The following FNDC3B variants were observed in gnomAD, a reference collection of about 807,000 sequenced individuals.
The protein encoded by FNDC3B is fibronectin type III domain-containing protein 3B.
FNDC3B carries 12 observed loss-of-function variants against 151.5 expected under a neutral mutation model. The ratio of observed to expected loss-of-function variants is 0.08; its 90% CI spans 0.05 to 0.13. The LOEUF (loss-of-function observed/expected upper bound fraction) is 0.13, where lower values mean the gene tolerates loss of function less well. Ranked by LOEUF, FNDC3B falls within the 10% of genes least tolerant of loss-of-function variation. The pLI, the probability that FNDC3B is intolerant of heterozygous loss-of-function variation, is 1.00. For synonymous variants in FNDC3B, 528 were observed against 549.0 expected (o/e 0.96, Z 0.54); for missense variants, 1,214 against 1,505.3 (o/e 0.81, Z 3.20).
chr3:172,052,478 G>T (rs553000418), intron 1 of FNDC3B, among the ~76,000 whole-genome samples: 12 of 152,306 alleles, frequency 7.9e-5, no homozygotes, highest in African/African-American at 2.9e-4. Flanking sequence ...AGGCCCAGCT[G>T]AAAGAGTTGA....
At chr3:172,146,887 A>G (rs1721939363) in intron 3 of FNDC3B, among the ~76,000 whole-genome samples, 1 of 152,380 alleles carries the variant, frequency 6.6e-6, no homozygotes, top group African/African-American at 2.4e-5. Flanking sequence ...GATTTACTTT[A>G]TACTTACTTA....
chr3:172,233,851 T>C (rs1481861724), intron 4 of FNDC3B, among the ~76,000 whole-genome samples: 2 of 152,218 alleles, frequency 1.3e-5, no homozygotes, highest in East Asian at 3.8e-4. Context: ...AGGGAATTGT[T>C]CCATAGTGTA....
intron 11 of FNDC3B, chr3:172,321,649 T>C: frequency 5.3e-6 from 1 of 188,044 alleles, no homozygotes; most frequent in Non-Finnish European, 1.1e-5. Context: ...CAAGCAATTC[T>C]CCTGCCTCAG....
rs545254866 is a variant in FNDC3B at position 172,153,103 on chromosome 3, C to T, written c.187+19557C>T. On this transcript the variant is annotated intron_variant, in intron 3 of 25. Coordinates refer to ENST00000415807, the MANE Select transcript of FNDC3B (RefSeq NM_022763.4). ...CGCTGAGATTGGTTGATGGGGTGTG[C>T]AGAATTTCCTCTGTCGGGCTTGGGA... is the stretch of plus-strand genomic sequence containing the variant. Among the ~76,000 whole-genome samples the T allele has an allele frequency of 1.6e-4, 24 of 152,220 alleles. No individual in the cohort carries two copies. The South Asian group carries it at 4.8e-3, about 30-fold the overall frequency.
In FNDC3B at chr3:172,201,501, A is replaced by G. The variant is rs79618851; in HGVS notation, c.188-25370A>G. 1.4e-3 allele frequency among the ~76,000 whole-genome samples: 211 copies of G among 152,258 alleles called. 1 individual carries two copies. The highest frequency in any genetic ancestry group is 5.0e-3 in the African/African-American group (209 of 41,552). ...CCACTGGGCTCTTTTGTTCAGTGTGACCTCATGAGAAGTGGTAGCAGTACT... is the reference window on the plus strand; with the variant it reads ...CCACTGGGCTCTTTTGTTCAGTGTGGCCTCATGAGAAGTGGTAGCAGTACT... On this transcript the variant is annotated intron_variant, in intron 3 of 25. Coordinates refer to ENST00000415807, the MANE Select transcript of FNDC3B (RefSeq NM_022763.4).
chr3:172,252,275 GACTT>G (rs534872837), intron 6 of FNDC3B, among the ~76,000 whole-genome samples: 70 of 152,184 alleles, frequency 4.6e-4, no homozygotes, highest in African/African-American at 1.7e-3. Flanking sequence ...AGGGAAGAAT[GACTT>G]AAGTGAGGCA....
At chr3:172,194,144 C>G (rs184634881) in intron 3 of FNDC3B, among the ~76,000 whole-genome samples, 8 of 151,824 alleles carry the variant, frequency 5.3e-5, no homozygotes, top group Non-Finnish European at 1.2e-4. Flanking sequence ...GGCGTGAACC[C>G]GGGGGGCGGA....
chr3:172,192,054 T>C (rs1045230842), intron 3 of FNDC3B, among the ~76,000 whole-genome samples: 1 of 152,154 alleles, frequency 6.6e-6, no homozygotes, highest in African/African-American at 2.4e-5. Flanking sequence ...TTTCAGAGGA[T>C]AGGAAACTCA....
At chr3:172,114,693 C>T (rs771957317) in intron 2 of FNDC3B, among the ~76,000 whole-genome samples, 3 of 152,072 alleles carry the variant, frequency 2.0e-5, no homozygotes, top group Non-Finnish European at 4.4e-5. Context: ...TGAGACCAGC[C>T]TGGGCAACAA....
At position 172,344,622 on chromosome 3, in the gene FNDC3B, G is replaced by A. The variant is rs189301947; in HGVS notation, c.2250+364G>A. 7.4e-3 allele frequency among the ~76,000 whole-genome samples: 1,124 copies of A among 152,312 alleles called. 7 individuals are homozygous for A. The highest frequency in any genetic ancestry group is 0.022 in the South Asian group (104 of 4,826). Reference sequence around the variant, plus strand: ...ATAGTTCTAATAAAAGTTTTATACTGTCTTGTCTAAATGAACCAGCAACAT... The same window carrying A: ...ATAGTTCTAATAAAAGTTTTATACTATCTTGTCTAAATGAACCAGCAACAT... On this transcript the variant is annotated intron_variant, in intron 19 of 25. Coordinates refer to ENST00000415807, the MANE Select transcript of FNDC3B (RefSeq NM_022763.4).
At chr3:172,144,097 C>T (rs372284238) in intron 3 of FNDC3B, among the ~76,000 whole-genome samples, 19 of 152,030 alleles carry the variant, frequency 1.2e-4, no homozygotes, top group African/African-American at 1.9e-4. Context: ...ATCTGCTTCT[C>T]GTGAGGGCCT....
chr3:172,132,501 G>C (rs1721156517), intron 2 of FNDC3B, among the ~76,000 whole-genome samples: 2 of 152,106 alleles, frequency 1.3e-5, no homozygotes, highest in Non-Finnish European at 2.9e-5. Flanking sequence ...CGCCTCCTGG[G>C]TTCAAGCCAT....
chr3:172,074,391 A>T (rs1333793533), intron 1 of FNDC3B, among the ~76,000 whole-genome samples: 1 of 152,366 alleles, frequency 6.6e-6, no homozygotes, highest in Non-Finnish European at 1.5e-5. Context: ...TGTATCAAGG[A>T]CTTAGAATGA....
intron 25 of FNDC3B, among the ~76,000 whole-genome samples, chr3:172,385,762 C>T (rs939583031): frequency 1.3e-5 from 2 of 152,000 alleles, no homozygotes; most frequent in Admixed American, 1.3e-4. Context: ...GTTTCACTGT[C>T]TTAGCCAGGA....
chr3:172,206,699 A>C (rs920999961), intron 3 of FNDC3B, among the ~76,000 whole-genome samples: 2 of 148,286 alleles, frequency 1.3e-5, no homozygotes, highest in Non-Finnish European at 3.0e-5. Flanking sequence ...TATATTCTGG[A>C]GACTATATTT....
chr3:172,389,130 C>T (rs1735876467), intron 25 of FNDC3B, among the ~76,000 whole-genome samples: 1 of 151,944 alleles, frequency 6.6e-6, no homozygotes, highest in African/African-American at 2.4e-5. Context: ...GTTTTAAAAC[C>T]CCATCAGTTT....
At chr3:172,258,858 C>G (rs1159355070) in intron 6 of FNDC3B, among the ~76,000 whole-genome samples, 2 of 152,192 alleles carry the variant, frequency 1.3e-5, no homozygotes, top group Non-Finnish European at 2.9e-5. Context: ...GGCTTTTGCA[C>G]TTCACAAGTG....
intron 1 of FNDC3B, chr3:172,046,892 T>C (rs753405256): frequency 6.6e-6 from 1 of 152,244 alleles, no homozygotes; most frequent in Non-Finnish European, 1.5e-5. Context: ...TCTGATGTTT[T>C]TGGAATCTTG....
chr3:172,133,672 C>CTT, intron 3 of FNDC3B, 126 bp downstream of exon 3: 2 of 764,524 alleles, frequency 2.6e-6, no homozygotes, highest in South Asian at 1.4e-5. Context: ...TATTCATTTT[C>CTT]TTTTTTTTTC....
Sources: gnomAD v4.1 joint callset for allele counts (sites outside exome capture counted in the v4.1 genomes callset) on GRCh38, gnomAD v4.1.1 for gene constraint, MANE v1.5 for transcripts, NCBI Gene and HGNC (gene_info 2026-07-23, HGNC 2026-07-21) for gene names.